The following OLFML1 variants were observed in gnomAD, a reference collection of about 807,000 sequenced individuals.
OLFML1 encodes the protein olfactomedin like 1, also known as olfactomedin-like protein 1.
In OLFML1, 33 loss-of-function variants were observed where a neutral mutation model predicts 37.3. The ratio of observed to expected loss-of-function variants is 0.88; its 90% CI spans 0.67 to 1.18. The LOEUF (loss-of-function observed/expected upper bound fraction) is 1.18. Ranked by LOEUF, OLFML1 falls within the 50% of genes most tolerant of loss-of-function variation. The pLI, the probability that OLFML1 is intolerant of heterozygous loss-of-function variation, is 0.00. For missense variants in OLFML1, 545 were observed against 483.7 expected, an observed-to-expected ratio of 1.13 and a Z score of -1.19; for synonymous variants, 186 against 181.3, an observed-to-expected ratio of 1.03 and a Z score of -0.21.
chr11:7,510,930 G>GT lies in OLFML1; in HGVS notation c.*745dup, dbSNP rs1848852052. The GT allele has an allele frequency of 6.6e-6, 1 of 152,208 alleles. No individual in the cohort carries two copies. Among genetic ancestry groups the GT allele is most frequent in the Non-Finnish European group, 1.5e-5 (1 of 68,040 alleles). The allele number at this position is 152,208 out of a possible 1,614,324, so 9.4% of individuals were successfully genotyped here. Reference sequence around the variant, plus strand: ...GAATATCGCTTTCCAGGTGTGGAGTGTTTGCACATCATTTAATTCTCGTTT... The same window carrying GT: ...GAATATCGCTTTCCAGGTGTGGAGTGTTTTGCACATCATTTAATTCTCGTTT... On this transcript the variant is annotated 3_prime_UTR_variant, in exon 3 of 3. Coordinates refer to ENST00000329293, the MANE Select transcript of OLFML1 (RefSeq NM_198474.4).
In OLFML1 at chr11:7,510,223, T is replaced by C; in HGVS notation, c.*35T>C. 1 of 1,546,772 alleles carries C rather than the reference T, an allele frequency of 6.5e-7. No individual in the cohort carries two copies. ...GCTGTGAGAAAGAGCACTGTGGCTT[T>C]GGCAGCTGTTCTACAGGACAGTGAG... On this transcript the variant is annotated 3_prime_UTR_variant, in exon 3 of 3. Coordinates refer to ENST00000329293, the MANE Select transcript of OLFML1 (RefSeq NM_198474.4).
At position 7,493,505 on chromosome 11, in the gene OLFML1, C is replaced by T. The variant is rs1414201325; in HGVS notation, c.418+5090C>T. On this transcript the variant is annotated intron_variant, in intron 2 of 2. Transcript: ENST00000329293. ...CAAAGTATAAATGCAGGTGTAAGTA[C>T]AGGTGTGTGTGTGCACGTGTGTGTA... 1.1e-4 allele frequency among the ~76,000 whole-genome samples: 16 copies of T among 152,170 alleles called. No homozygotes were observed. The East Asian group carries it at 2.5e-3, about 24-fold the overall frequency.
chr11:7,502,223 G>T (rs1343366282), intron 2 of OLFML1, among the ~76,000 whole-genome samples: 1 of 152,216 alleles, frequency 6.6e-6, no homozygotes, highest in Admixed American at 6.5e-5. Flanking sequence ...ATCCTGGCAG[G>T]ATCTGAAGAC....
At chr11:7,505,507 C>A (rs527824311) in intron 2 of OLFML1, among the ~76,000 whole-genome samples, 1 of 152,182 alleles carries the variant, frequency 6.6e-6, no homozygotes, top group Non-Finnish European at 1.5e-5. Flanking sequence ...CATCTCACAA[C>A]GGATGGCCTG....
Position 7,510,095 on chromosome 11 carries a change from T to C in OLFML1, c.1116T>C (p.His372=). The change falls in exon 3 of 3, where the codon CAT becomes CAC. Residue 372 remains histidine, a synonymous_variant. Coordinates refer to ENST00000329293, the MANE Select transcript of OLFML1 (RefSeq NM_198474.4). ...PKRPRSHSMI[H]YNPRDKQLYA... ...GACCAAGAAGTCACTCCATGATCCATTACAACCCCAGAGATAAGCAGCTCT... is the reference window on the plus strand; with the variant it reads ...GACCAAGAAGTCACTCCATGATCCACTACAACCCCAGAGATAAGCAGCTCT... The C allele has an allele frequency of 6.2e-7, 1 of 1,614,172 alleles. No homozygotes were observed. Among genetic ancestry groups the C allele is most frequent in the East Asian group, 2.2e-5 (1 of 44,888 alleles).
intron 2 of OLFML1, among the ~76,000 whole-genome samples, chr11:7,502,490 T>C (rs767617697): frequency 2.0e-5 from 3 of 152,036 alleles, no homozygotes; most frequent in Non-Finnish European, 4.4e-5. Flanking sequence ...ACTATTGCAG[T>C]GGTCTGGGCA....
At chr11:7,493,415 G>C (rs376913618) in intron 2 of OLFML1, among the ~76,000 whole-genome samples, 37 of 152,298 alleles carry the variant, frequency 2.4e-4, no homozygotes, top group African/African-American at 8.2e-4. Context: ...GTCATGAGTG[G>C]AACAAAATAT....
intron 2 of OLFML1, among the ~76,000 whole-genome samples, chr11:7,494,485 A>G (rs1018437688): frequency 6.6e-6 from 1 of 152,232 alleles, no homozygotes; most frequent in Admixed American, 6.5e-5. Flanking sequence ...AGATGAGAAA[A>G]CAAAGACACT....
intron 2 of OLFML1, among the ~76,000 whole-genome samples, chr11:7,507,421 T>TA (rs1190349455): frequency 6.6e-6 from 1 of 152,218 alleles, no homozygotes; most frequent in Non-Finnish European, 1.5e-5. Context: ...CTCTGTGGAA[T>TA]AAAATCCAAA....
At chr11:7,497,514 C>T (rs1848677402) in intron 2 of OLFML1, among the ~76,000 whole-genome samples, 3 of 152,156 alleles carry the variant, frequency 2.0e-5, no homozygotes, top group Admixed American at 6.5e-5. Context: ...CTGTGTTGGA[C>T]TCCAGCTGTA....
In OLFML1 at chr11:7,509,947, T is replaced by C. The variant is rs771218342; in HGVS notation, c.968T>C (p.Leu323Ser). 2 of 1,614,246 alleles carry C rather than the reference T, an allele frequency of 1.2e-6. No homozygotes were observed. The highest frequency in any genetic ancestry group is 2.2e-5 in the South Asian group (2 of 91,086). ...RSQDAEASFL[L>S]CGVLYVVYST... ...CAGGATGCTGAAGCCTCATTCCTCT[T>C]GTGTGGGGTTCTCTATGTGGTCTAC... Residue 323 changes from leucine to serine, a missense_variant, in exon 3 of 3, where the codon TTG becomes TCG. Coordinates refer to ENST00000329293, the MANE Select transcript of OLFML1 (RefSeq NM_198474.4).
intron 2 of OLFML1, among the ~76,000 whole-genome samples, chr11:7,492,973 G>A (rs998385379): frequency 1.3e-5 from 2 of 152,044 alleles, no homozygotes; most frequent in African/African-American, 4.8e-5. Context: ...ATACTCTTTG[G>A]AAGATTTATC....
chr11:7,498,890 G>A (rs80188722), intron 2 of OLFML1, among the ~76,000 whole-genome samples: 22,784 of 152,012 alleles, frequency 0.15, 1,830 homozygotes, highest in African/African-American at 0.19. Flanking sequence ...TTTTCTAGCT[G>A]CTTATATCCA....
chr11:7,492,246 C>T (rs1237171890), intron 2 of OLFML1, among the ~76,000 whole-genome samples: 2 of 152,180 alleles, frequency 1.3e-5, no homozygotes, highest in Non-Finnish European at 2.9e-5. Context: ...GTCTTCCAAC[C>T]ATGGCCTCTA....
At chr11:7,508,005 T>C (rs1487940723) in intron 2 of OLFML1, among the ~76,000 whole-genome samples, 1 of 152,272 alleles carries the variant, frequency 6.6e-6, no homozygotes, top group East Asian at 1.9e-4. Flanking sequence ...GCCTCTGAAG[T>C]AATGCATTAC....
rs1848835953 is a variant in OLFML1 at position 7,509,813 on chromosome 11, G to C, written c.834G>C (p.Gly278=). ...TYIDLAVDEH[G]LWAIHSGPGT... is the part of the protein sequence containing the mutation. ...TTGACCTGGCTGTGGATGAGCATGG[G>C]CTCTGGGCCATCCACTCTGGGCCAG... Residue 278 remains glycine (G), a synonymous_variant, in exon 3 of 3, where the codon GGG becomes GGC. Transcript: ENST00000329293. The C allele has an allele frequency of 6.2e-7, 1 of 1,614,074 alleles. No individual in the cohort carries two copies. The highest frequency in any genetic ancestry group is 8.5e-7 in the Non-Finnish European group (1 of 1,180,024).
Position 7,490,424 on chromosome 11 carries a change from C to G in OLFML1, c.418+2009C>G, listed in dbSNP as rs114009672. 7.1e-3 allele frequency among the ~76,000 whole-genome samples: 1,075 copies of G among 152,242 alleles called. 18 individuals are homozygous for G. The highest frequency in any genetic ancestry group is 0.024 in the African/African-American group (997 of 41,522). ...TGTCCGAACTCTCACACTGGGGGTTCAGGCAGGACGCTAAGTCTGAATAGT... is the reference window on the plus strand; with the variant it reads ...TGTCCGAACTCTCACACTGGGGGTTGAGGCAGGACGCTAAGTCTGAATAGT... On this transcript the variant is annotated intron_variant, in intron 2 of 2. Coordinates refer to ENST00000329293, the MANE Select transcript of OLFML1 (RefSeq NM_198474.4).
chr11:7,505,622 A>G (rs1217758174), intron 2 of OLFML1, among the ~76,000 whole-genome samples: 1 of 152,212 alleles, frequency 6.6e-6, no homozygotes, highest in Non-Finnish European at 1.5e-5. Flanking sequence ...CTTGAGTCCT[A>G]GAGTTTGAGA....
intron 1 of OLFML1, among the ~76,000 whole-genome samples, chr11:7,487,457 A>G (rs1412584148): frequency 6.6e-6 from 1 of 152,254 alleles, no homozygotes; most frequent in African/African-American, 2.4e-5. Flanking sequence ...TTGATAAACC[A>G]TGCCAAATGA....
Sources: gnomAD v4.1 joint callset for allele counts (sites outside exome capture counted in the v4.1 genomes callset) on GRCh38, gnomAD v4.1.1 for gene constraint, MANE v1.5 for transcripts, NCBI Gene and HGNC (gene_info 2026-07-23, HGNC 2026-07-21) for gene names.